COL4A6: variants seen among roughly 807,000 people sequenced by gnomAD.
COL4A6 encodes collagen type IV alpha 6 chain.
COL4A6 carries 59 observed loss-of-function variants against 126.7 expected under a neutral mutation model. The ratio of observed to expected loss-of-function variants is 0.47; its 90% CI spans 0.38 to 0.58. COL4A6 has a LOEUF of 0.58. Among genes scored for constraint, COL4A6 ranks in the 20% least tolerant of loss-of-function variants. The pLI is 0.00. For missense variants in COL4A6, 1,285 were observed against 1,337.3 expected, an observed-to-expected ratio of 0.96 and a Z score of 0.61; for synonymous variants, 547 against 496.6, an observed-to-expected ratio of 1.10 and a Z score of -1.35.
intron 2 of COL4A6, among the ~76,000 whole-genome samples, chrX:108,386,559 G>A (rs2040698241): frequency 8.9e-6 from 1 of 111,911 alleles, no homozygotes; most frequent in Non-Finnish European, 1.9e-5. Context: ...CCCACGTTTT[G>A]ATGGGTTTTT....
chrX:108,242,282 C>T (rs2036593808), intron 3 of COL4A6, among the ~76,000 whole-genome samples: 2 of 111,800 alleles, frequency 1.8e-5, no homozygotes, highest in Admixed American at 1.9e-4. Context: ...TTTAAGTATA[C>T]AGTTCTGTGG....
chrX:108,206,465 GA>G (rs1775124266), intron 9 of COL4A6, 52 bp downstream of exon 9: 1 of 1,138,850 alleles, frequency 8.8e-7, no homozygotes. Flanking sequence ...AGTATGTAGG[GA>G]AAACAACCAT....
At chrX:108,276,898 T>A (rs1384783040) in intron 3 of COL4A6, among the ~76,000 whole-genome samples, 2 of 112,456 alleles carry the variant, frequency 1.8e-5, no homozygotes, top group African/African-American at 3.2e-5. Context: ...TGTTTCTTCA[T>A]CTGTATCATG....
chrX:108,166,906 C>T (rs1211857438), intron 37 of COL4A6, among the ~76,000 whole-genome samples: 1 of 111,296 alleles, frequency 9.0e-6, no homozygotes, highest in African/African-American at 3.3e-5. Context: ...ATATGTATAG[C>T]TTATATATAT....
chrX:108,425,456 A>G (rs2064060232), intron 2 of COL4A6, among the ~76,000 whole-genome samples: 1 of 110,536 alleles, frequency 9.0e-6, no homozygotes, highest in Admixed American at 9.7e-5. Flanking sequence ...CTCTCAGGCC[A>G]GGCGTGGTGG....
intron 23 of COL4A6, among the ~76,000 whole-genome samples, chrX:108,181,577 G>A (rs778887787): frequency 2.7e-5 from 3 of 112,034 alleles, no homozygotes; most frequent in Non-Finnish European, 5.6e-5. Context: ...CCACTCTCTT[G>A]TCCGTGACAG....
chrX:108,279,399 C>A (rs903027428), intron 3 of COL4A6, among the ~76,000 whole-genome samples: 1 of 111,467 alleles, frequency 9.0e-6, no homozygotes, highest in African/African-American at 3.3e-5. Context: ...ACAAAGAAGG[C>A]CATTACATAT....
At chrX:108,421,630 C>A (rs890139725) in intron 2 of COL4A6, among the ~76,000 whole-genome samples, 2 of 112,206 alleles carry the variant, frequency 1.8e-5, no homozygotes, top group South Asian at 3.7e-4. Flanking sequence ...AAATCTGGTA[C>A]TTTGCCAGAG....
chrX:108,308,555 A>T (rs1045621946), intron 3 of COL4A6, among the ~76,000 whole-genome samples: 2 of 112,380 alleles, frequency 1.8e-5, no homozygotes, highest in African/African-American at 6.5e-5. Flanking sequence ...GCTAAAGAAT[A>T]TGTCCAGGAA....
intron 3 of COL4A6, among the ~76,000 whole-genome samples, chrX:108,264,912 G>A (rs764158042): frequency 1.8e-5 from 2 of 111,892 alleles, no homozygotes; most frequent in Non-Finnish European, 3.8e-5. Flanking sequence ...GGGCTTTGGA[G>A]GCAGAATATG....
intron 2 of COL4A6, among the ~76,000 whole-genome samples, chrX:108,330,817 A>G (rs2039279111): frequency 9.0e-6 from 1 of 111,490 alleles, no homozygotes; most frequent in African/African-American, 3.3e-5. Flanking sequence ...TTCTTATATC[A>G]TCACAACTAT....
intron 3 of COL4A6, among the ~76,000 whole-genome samples, chrX:108,276,276 T>G (rs1168353110): frequency 8.9e-6 from 1 of 112,698 alleles, no homozygotes; most frequent in Admixed American, 9.3e-5. Flanking sequence ...TGCCAAAGCA[T>G]GCCAAGCTCT....
At chrX:108,211,772 T>C (rs374247421) in intron 6 of COL4A6, 32 bp from the exon 7 acceptor site, 35 of 1,106,558 alleles carry the variant, frequency 3.2e-5, no homozygotes, top group Non-Finnish European at 4.0e-5. Context: ...ATTGAAGAAA[T>C]ACACACACTT....
Position 108,157,253 on chromosome X carries a change from G to A in COL4A6, c.4820C>T (p.Ala1607Val). The A allele has an allele frequency of 8.3e-7, 1 of 1,209,775 alleles. No individual in the cohort carries two copies. Among genetic ancestry groups the A allele is most frequent in the Non-Finnish European group, 1.1e-6 (1 of 894,321 alleles). ...WIGYSFLMHT[A>V]AGAEGGGQSL... ...CTGGCCTCCACCCTCGGCACCAGCGGCAGTGTGCTGAAACAGACAGGAGAT... is the reference window on the plus strand; with the variant it reads ...CTGGCCTCCACCCTCGGCACCAGCGACAGTGTGCTGAAACAGACAGGAGAT... Residue 1607 changes from alanine to valine, a missense_variant, in exon 45 of 45, where the codon GCC becomes GTC. Coordinates refer to ENST00000334504, the MANE Select transcript of COL4A6 (RefSeq NM_033641.4).
At chrX:108,416,047 G>T (rs1203611416) in intron 2 of COL4A6, among the ~76,000 whole-genome samples, 1 of 112,046 alleles carries the variant, frequency 8.9e-6, no homozygotes, top group Admixed American at 9.5e-5. Context: ...TTTGGCATGG[G>T]TATCTTCCTA....
At chrX:108,349,372 C>G (rs1339838391) in intron 2 of COL4A6, among the ~76,000 whole-genome samples, 1 of 111,255 alleles carries the variant, frequency 9.0e-6, no homozygotes, top group African/African-American at 3.3e-5. Flanking sequence ...TCAACAGGGA[C>G]AGCTTATGAT....
chrX:108,389,821 C>T (rs910674403), intron 2 of COL4A6, among the ~76,000 whole-genome samples: 2 of 111,413 alleles, frequency 1.8e-5, no homozygotes, highest in Admixed American at 9.6e-5. Context: ...TTCTTCACAG[C>T]GTCGATGGTC....
At chrX:108,293,163 G>T (rs2038221277) in intron 3 of COL4A6, among the ~76,000 whole-genome samples, 1 of 110,358 alleles carries the variant, frequency 9.1e-6, no homozygotes, top group African/African-American at 3.3e-5. Flanking sequence ...ACAGTATAAT[G>T]GTTGAGGGTA....
intron 3 of COL4A6, among the ~76,000 whole-genome samples, chrX:108,289,557 C>T (rs5973861): frequency 0.37 from 40,003 of 109,366 alleles, 6,545 homozygotes; most frequent in East Asian, 0.73. Context: ...TTTTTGTTTT[C>T]GTTTTAAAAA....
Sources: gnomAD v4.1 joint callset for allele counts (sites outside exome capture counted in the v4.1 genomes callset) on GRCh38, gnomAD v4.1.1 for gene constraint, MANE v1.5 for transcripts, NCBI Gene and HGNC (gene_info 2026-07-23, HGNC 2026-07-21) for gene names.